VPS13A: variants seen among roughly 807,000 people sequenced by gnomAD.
VPS13A encodes vacuolar protein sorting 13 homolog A.
A neutral mutation model predicts 390.9 loss-of-function variants in VPS13A; 264 were observed. The ratio of observed to expected loss-of-function variants is 0.68; its 90% CI spans 0.61 to 0.75. The LOEUF (loss-of-function observed/expected upper bound fraction) is 0.75. Among genes scored for constraint, VPS13A ranks in the 30% least tolerant of loss-of-function variants. VPS13A has a pLI of 0.00. For synonymous variants in VPS13A, 1,231 were observed against 1,227.1 expected, an observed-to-expected ratio of 1.00 and a Z score of -0.07; for missense variants, 3,409 against 3,733.9, an observed-to-expected ratio of 0.91 and a Z score of 2.27.
At chr9:77,370,380 G>C in intron 64 of VPS13A, 35 bp from the exon 65 acceptor site, 1 of 1,613,988 alleles carries the variant, frequency 6.2e-7, no homozygotes, top group Non-Finnish European at 8.5e-7. Flanking sequence ...GAAAGTAATG[G>C]CATCATTACT....
At position 77,281,863 on chromosome 9, in the gene VPS13A, A is replaced by G. The variant is rs1156971429; in HGVS notation, c.2905-4A>G. 6.3e-7 allele frequency: 1 copy of G among 1,598,162 alleles called. No individual in the cohort carries two copies. The highest frequency in any genetic ancestry group is 2.2e-5 in the East Asian group (1 of 44,604). Reference sequence around the variant, plus strand: ...TCTAACAGATTTGTTTTCTCTTTGGATAGGCTGAAAAGAATGTACCCGACT... The same window carrying G: ...TCTAACAGATTTGTTTTCTCTTTGGGTAGGCTGAAAAGAATGTACCCGACT... On this transcript the variant is annotated splice_region_variant and splice_polypyrimidine_tract_variant and intron_variant, in intron 27 of 71. Transcript: ENST00000360280.
chr9:77,223,913 G>C (rs546994554), intron 13 of VPS13A, among the ~76,000 whole-genome samples: 1 of 152,222 alleles, frequency 6.6e-6, no homozygotes, highest in East Asian at 1.9e-4. Flanking sequence ...TGGCCTCAAA[G>C]CTTCAAAGGA....
In VPS13A at chr9:77,403,295, G is replaced by C. The variant is rs1349107828; in HGVS notation, c.9249G>C (p.Lys3083Asn). ...YKYFTHVMIN[K>N]TDMLMITRRG... ...ATTTTACCCATGTCATGATCAATAA[G>C]ACAGATATGCTAATGATAACCAGAC... Residue 3083 changes from lysine (K) to asparagine (N), a missense_variant, in exon 69 of 72, where the codon AAG (lysine) becomes AAC (asparagine). By Grantham distance (94) the Lys-to-Asn change is moderately conservative. Around this residue, in one of 5 missense-constraint regions of VPS13A, gnomAD observed 318 missense variants for 333.7 expected, o/e 0.95. Coordinates refer to ENST00000360280, the MANE Select transcript of VPS13A (RefSeq NM_033305.3). 5 of 1,612,002 alleles carry C rather than the reference G, an allele frequency of 3.1e-6. No homozygotes were observed. The African/African-American group carries it at 6.7e-5, about 22-fold the overall frequency.
chr9:77,398,438 C>T (rs1316896145), intron 68 of VPS13A, among the ~76,000 whole-genome samples: 1 of 152,152 alleles, frequency 6.6e-6, no homozygotes, highest in Non-Finnish European at 1.5e-5. Context: ...ATTCATTAGA[C>T]ACTTACTGAT....
intron 68 of VPS13A, among the ~76,000 whole-genome samples, chr9:77,397,367 A>G (rs772460850): frequency 3.3e-5 from 5 of 152,086 alleles, no homozygotes; most frequent in African/African-American, 4.8e-5. Flanking sequence ...TGTCTTCCAC[A>G]TGAGTCAGAT....
intron 67 of VPS13A, among the ~76,000 whole-genome samples, chr9:77,375,950 G>A (rs1462664947): frequency 6.6e-6 from 1 of 152,120 alleles, no homozygotes; most frequent in Admixed American, 6.5e-5. Context: ...TATGCTAAAT[G>A]GTGAAAAATG....
At chr9:77,233,248 A>G (rs931153360) in intron 17 of VPS13A, among the ~76,000 whole-genome samples, 1 of 151,958 alleles carries the variant, frequency 6.6e-6, no homozygotes, top group Non-Finnish European at 1.5e-5. Context: ...GTGTGTCATA[A>G]TGCCTCCACT....
intron 71 of VPS13A, among the ~76,000 whole-genome samples, chr9:77,413,926 G>A (rs1444465771): frequency 1.3e-5 from 2 of 152,168 alleles, no homozygotes; most frequent in African/African-American, 4.8e-5. Context: ...AAAAGTGGGT[G>A]AAGGATATGA....
rs564236441 is a variant in VPS13A at position 77,231,057 on chromosome 9, A to G, written c.1595+2793A>G. 4.1e-4 allele frequency among the ~76,000 whole-genome samples: 63 copies of G among 152,292 alleles called. 1 individual carries two copies. The East Asian group carries it at 9.8e-3, about 24-fold the overall frequency. ...GGATTATTATGTGTATAGAAATACA[A>G]TTGAGTTTTGTATACTGCACTTGTA... On this transcript the variant is annotated intron_variant, in intron 17 of 71. Coordinates refer to ENST00000360280, the MANE Select transcript of VPS13A (RefSeq NM_033305.3).
chr9:77,301,418 C>T (rs750639371), intron 33 of VPS13A, among the ~76,000 whole-genome samples: 6 of 152,110 alleles, frequency 3.9e-5, no homozygotes, highest in Admixed American at 6.5e-5. Context: ...TACCATTAAG[C>T]GGAGACTGCA....
chr9:77,185,436 G>A (rs1306853349), intron 1 of VPS13A, among the ~76,000 whole-genome samples: 3 of 152,114 alleles, frequency 2.0e-5, no homozygotes, highest in East Asian at 1.9e-4. Flanking sequence ...TACTGCGCCC[G>A]GCTCGATATG....
intron 45 of VPS13A, among the ~76,000 whole-genome samples, chr9:77,326,825 C>A (rs1830039531): frequency 6.6e-6 from 1 of 152,196 alleles, no homozygotes; most frequent in Non-Finnish European, 1.5e-5. Context: ...CTTCCTGTTT[C>A]TTTTAGACGG....
chr9:77,294,270 G>T (rs568942239), intron 32 of VPS13A, among the ~76,000 whole-genome samples: 1 of 152,230 alleles, frequency 6.6e-6, no homozygotes, highest in South Asian at 2.1e-4. Context: ...GGACTTTAAG[G>T]AGTTAGATTT....
At chr9:77,320,370 G>A (rs78618051) in intron 42 of VPS13A, among the ~76,000 whole-genome samples, 4,482 of 152,200 alleles carry the variant, frequency 0.029, 179 homozygotes, top group East Asian at 0.12. Context: ...TTGCATGTGT[G>A]CAGGAATGTA....
chr9:77,206,790 A>G (rs527875703), intron 5 of VPS13A, among the ~76,000 whole-genome samples: 1 of 152,288 alleles, frequency 6.6e-6, no homozygotes, highest in African/African-American at 2.4e-5. Context: ...TCATTCATTT[A>G]ATAGTTAAAC....
intron 52 of VPS13A, among the ~76,000 whole-genome samples, chr9:77,347,313 T>A (rs1831209616): frequency 6.6e-6 from 1 of 152,110 alleles, no homozygotes; most frequent in African/African-American, 2.4e-5. Context: ...CTACCATCCA[T>A]GAGCATGAGA....
rs553279545 is a variant in VPS13A at position 77,420,890 on chromosome 9, CATTCAAGTAAAA to C, written c.*4887_*4898del. On this transcript the variant is annotated 3_prime_UTR_variant, in exon 72 of 72. Coordinates refer to ENST00000360280, the MANE Select transcript of VPS13A (RefSeq NM_033305.3). Reference sequence around the variant, plus strand: ...AGTTCCCAGTTCTTAGGCTGAAAAACATTCAAGTAAAAATGTAGCATAGATTACACTGAAATA... The same window carrying C: ...AGTTCCCAGTTCTTAGGCTGAAAAACATGTAGCATAGATTACACTGAAATA... 1.3e-3 allele frequency: 199 copies of C among 152,272 alleles called. No homozygotes were observed. The highest frequency in any genetic ancestry group is 4.7e-3 in the African/African-American group (196 of 41,558). 9.4% of individuals were successfully genotyped at this position (152,272 alleles called of 1,614,324 possible). A position where few individuals can be genotyped will look rare whatever the true frequency, so the allele number is the denominator to read the frequency against.
chr9:77,416,084 C>A lies in VPS13A; in HGVS notation c.*78C>A. The A allele has an allele frequency of 6.7e-7, 1 of 1,494,990 alleles. No homozygotes were observed. Among genetic ancestry groups the A allele is most frequent in the Non-Finnish European group, 9.3e-7 (1 of 1,073,496 alleles). The allele number at this position is 1,494,990 out of a possible 1,614,324, so 92.6% of individuals were successfully genotyped here. ...TACCTTCCAAAACCTGTTTGGGAAGCATATTACAGAAATGATTTCAAGTAC... is the reference window on the plus strand; with the variant it reads ...TACCTTCCAAAACCTGTTTGGGAAGAATATTACAGAAATGATTTCAAGTAC... On this transcript the variant is annotated 3_prime_UTR_variant, in exon 72 of 72. Transcript: ENST00000360280.
intron 17 of VPS13A, among the ~76,000 whole-genome samples, chr9:77,232,987 T>G (rs1823921143): frequency 6.6e-6 from 1 of 152,204 alleles, no homozygotes; most frequent in African/African-American, 2.4e-5. Flanking sequence ...TAAGTTTTAC[T>G]ATACTAAAGT....
Sources: gnomAD v4.1 joint callset for allele counts (sites outside exome capture counted in the v4.1 genomes callset) on GRCh38, gnomAD v4.1.1 for gene constraint, gnomAD v4.1.1 regional missense constraint, MANE v1.5 for transcripts, NCBI Gene and HGNC (gene_info 2026-07-23, HGNC 2026-07-21) for gene names.